CDH13: variants seen among roughly 807,000 people sequenced by gnomAD.
CDH13 encodes cadherin 13, also known as cadherin-13.
Under a neutral mutation model 63.8 loss-of-function variants are expected in CDH13, and 24 were observed. That is an observed-to-expected ratio of 0.38 (90% confidence interval 0.27 to 0.53). CDH13 has a LOEUF of 0.53. Among genes scored for constraint, CDH13 ranks in the 20% least tolerant of loss-of-function variants. The pLI is 0.85. For missense variants in CDH13, 1,049 were observed against 903.1 expected, an observed-to-expected ratio of 1.16 and a Z score of -2.07; for synonymous variants, 503 against 355.3, an observed-to-expected ratio of 1.42 and a Z score of -4.67.
chr16:83,605,772 C>T (rs915256446), intron 8 of CDH13, among the ~76,000 whole-genome samples: 3 of 152,172 alleles, frequency 2.0e-5, no homozygotes, highest in Admixed American at 6.5e-5. Flanking sequence ...ACATTCTTAT[C>T]GAAAGGGCCA....
At chr16:82,785,679 C>T (rs560352808) in intron 1 of CDH13, among the ~76,000 whole-genome samples, 85 of 152,306 alleles carry the variant, frequency 5.6e-4, no homozygotes, top group African/African-American at 2.0e-3. Flanking sequence ...TAATTGAGGA[C>T]AATTTCTTTC....
At chr16:82,788,557 C>T (rs905563110) in intron 1 of CDH13, among the ~76,000 whole-genome samples, 18 of 152,186 alleles carry the variant, frequency 1.2e-4, no homozygotes, top group Admixed American at 3.9e-4. Flanking sequence ...TGTTATTAAC[C>T]GGAGGAACAC....
chr16:82,921,909 C>A (rs1187158359), intron 2 of CDH13, among the ~76,000 whole-genome samples: 1 of 152,070 alleles, frequency 6.6e-6, no homozygotes, highest in African/African-American at 2.4e-5. Flanking sequence ...TTCTAAATTA[C>A]TGATTCAATT....
intron 3 of CDH13, among the ~76,000 whole-genome samples, chr16:83,101,658 G>A (rs111857553): frequency 5.9e-5 from 9 of 152,216 alleles, no homozygotes; most frequent in South Asian, 2.1e-4. Flanking sequence ...GCTGGGTGTC[G>A]TTTTGCATGC....
Position 83,067,999 on chromosome 16 carries a change from T to A in CDH13, c.366+35781T>A, listed in dbSNP as rs114054798. ...CAACTCTGAGGCTACCAGAGCATGA[T>A]CAGTTCATCATCTCAGTCAATCCTC... On this transcript the variant is annotated intron_variant, in intron 3 of 13. Coordinates refer to ENST00000567109, the MANE Select transcript of CDH13 (RefSeq NM_001257.5). 4.0e-3 allele frequency among the ~76,000 whole-genome samples: 613 copies of A among 152,274 alleles called. 7 individuals are homozygous for A. Among genetic ancestry groups the A allele is most frequent in the African/African-American group, 0.014 (579 of 41,550 alleles).
chr16:83,187,450 G>A (rs2038560543), intron 4 of CDH13, among the ~76,000 whole-genome samples: 1 of 151,972 alleles, frequency 6.6e-6, no homozygotes, highest in Non-Finnish European at 1.5e-5. Context: ...TGAGGCAAAG[G>A]TGACTATTCA....
At chr16:83,465,244 G>A (rs1292665317) in intron 6 of CDH13, among the ~76,000 whole-genome samples, 1 of 152,220 alleles carries the variant, frequency 6.6e-6, no homozygotes. Flanking sequence ...AAAGCCAGAA[G>A]TGTTAAGGTG....
At chr16:83,029,472 A>G (rs149079735) in intron 2 of CDH13, among the ~76,000 whole-genome samples, 1 of 152,326 alleles carries the variant, frequency 6.6e-6, no homozygotes, top group East Asian at 1.9e-4. Flanking sequence ...ATACTCTATG[A>G]TGATTAAGAT....
At chr16:83,772,050 G>C (rs145115498) in intron 11 of CDH13, among the ~76,000 whole-genome samples, 86 of 152,282 alleles carry the variant, frequency 5.6e-4, no homozygotes, top group African/African-American at 2.0e-3. Flanking sequence ...TACACTCTGT[G>C]GGTGGAGAAG....
intron 4 of CDH13, among the ~76,000 whole-genome samples, chr16:83,144,020 C>T (rs1392760161): frequency 1.3e-5 from 2 of 151,988 alleles, no homozygotes; most frequent in South Asian, 2.1e-4. Flanking sequence ...ACTGAAAACC[C>T]CTGGGCCCTG....
At chr16:83,562,741 C>A (rs1054878952) in intron 7 of CDH13, among the ~76,000 whole-genome samples, 5 of 152,168 alleles carry the variant, frequency 3.3e-5, no homozygotes, top group African/African-American at 1.2e-4. Flanking sequence ...ATACTTAGAA[C>A]AAAAGTCGTC....
intron 10 of CDH13, among the ~76,000 whole-genome samples, chr16:83,694,945 G>T (rs930451432): frequency 6.6e-6 from 1 of 152,110 alleles, no homozygotes; most frequent in Non-Finnish European, 1.5e-5. Context: ...GGTGGTTCAC[G>T]CCTATAATCC....
chr16:83,438,748 G>C (rs1192438641), intron 6 of CDH13, among the ~76,000 whole-genome samples: 1 of 152,168 alleles, frequency 6.6e-6, no homozygotes. Flanking sequence ...ATGACAGAAT[G>C]GTTGTCTGAC....
intron 8 of CDH13, among the ~76,000 whole-genome samples, chr16:83,646,692 CAAAAAAAAAAA>C (rs199756336): frequency 1.4e-5 from 1 of 72,688 alleles, no homozygotes. Flanking sequence ...GACTCCGTCT[CAAAAAAAAAAA>C]AAAAAAAAAA....
intron 2 of CDH13, among the ~76,000 whole-genome samples, chr16:82,886,824 T>C (rs184436300): frequency 7.4e-4 from 113 of 152,298 alleles, no homozygotes; most frequent in African/African-American, 2.5e-3. Context: ...GTTGCTTACT[T>C]CCCTACCTTT....
At chr16:82,926,169 T>C (rs922461712) in intron 2 of CDH13, 14 of 152,332 alleles carry the variant, frequency 9.2e-5, no homozygotes, top group African/African-American at 3.1e-4. Context: ...TTTTAGACTT[T>C]ACAGGCCACA....
chr16:82,752,317 G>C (rs982736981), intron 1 of CDH13, among the ~76,000 whole-genome samples: 1 of 152,220 alleles, frequency 6.6e-6, no homozygotes. Context: ...ATGATGGATA[G>C]AGAGCGGCGT....
At chr16:83,058,082 T>C (rs2031135244) in intron 3 of CDH13, among the ~76,000 whole-genome samples, 1 of 152,246 alleles carries the variant, frequency 6.6e-6, no homozygotes, top group African/African-American at 2.4e-5. Context: ...ATCTTCACTA[T>C]ATTCTTAAAA....
intron 8 of CDH13, among the ~76,000 whole-genome samples, chr16:83,619,903 C>T (rs953195252): frequency 2.0e-5 from 3 of 152,168 alleles, no homozygotes; most frequent in East Asian, 1.9e-4. Flanking sequence ...TGGAAGCGTC[C>T]GTGGGAAGAC....
Sources: gnomAD v4.1 joint callset for allele counts (sites outside exome capture counted in the v4.1 genomes callset) on GRCh38, gnomAD v4.1.1 for gene constraint, MANE v1.5 for transcripts, NCBI Gene and HGNC (gene_info 2026-07-23, HGNC 2026-07-21) for gene names.